Variants in NETO1 observed in about 807,000 individuals in gnomAD.
NETO1 encodes neuropilin and tolloid-like protein 1.
In NETO1, 26 loss-of-function variants were observed where a neutral mutation model predicts 61.3. The ratio of observed to expected loss-of-function variants is 0.42; its 90% CI spans 0.31 to 0.59. The LOEUF (loss-of-function observed/expected upper bound fraction) is 0.59, where lower values mean the gene tolerates loss of function less well. NETO1 is among the 20% of genes least tolerant of loss of function. NETO1 has a pLI of 0.12. For missense variants in NETO1, 531 were observed against 662.8 expected (o/e 0.80, Z 2.18); for synonymous variants, 225 against 225.8 (o/e 1.00, Z 0.03).
rs911914944 is a variant in NETO1, at chr18:72,830,584, G to C, written c.469+28242C>G. 6.6e-6 allele frequency among the ~76,000 whole-genome samples: 1 copy of C among 152,140 alleles called. No homozygotes were observed. The highest frequency in any genetic ancestry group is 1.5e-5 in the Non-Finnish European group (1 of 68,012). ...ACAGAAGACTGCCAGAATTTTTTAG[G>C]AGCAGCTTTTGGTGTGGAGGTAGGA... On this transcript the variant is annotated intron_variant, in intron 4 of 10. Transcript: ENST00000327305. This position sits in a 1 kb window ranked among gnomAD's most constrained non-coding sequence, Gnocchi z 4.9.
chr18:72,783,659 C>A lies in NETO1; in HGVS notation c.868+19G>T. 6.2e-7 allele frequency: 1 copy of A among 1,608,684 alleles called. No individual in the cohort carries two copies. Among genetic ancestry groups the A allele is most frequent in the Non-Finnish European group, 8.5e-7 (1 of 1,175,222 alleles). ...ATGGCATATACGAAGGAAAAATAGTCAAGTGCAGAGAATCTTACGTTCTTG... is the reference window on the plus strand; with the variant it reads ...ATGGCATATACGAAGGAAAAATAGTAAAGTGCAGAGAATCTTACGTTCTTG... On this transcript the variant is annotated intron_variant, in intron 7 of 10. Coordinates refer to ENST00000327305, the MANE Select transcript of NETO1 (RefSeq NM_138966.5).
Position 72,749,056 on chromosome 18 carries a change from T to A in NETO1, c.1574A>T (p.Glu525Val), listed in dbSNP as rs751185025. Residue 525 changes from glutamate to valine, a missense_variant, in exon 10 of 11, where the codon GAA becomes GTA. Transcript: ENST00000327305. ...FCLIGSLSKH[E>V]SEYNTTRV is the part of the protein sequence containing the mutation. Reference sequence around the variant, plus strand: ...GACCCTAGTTGTGTTGTATTCAGATTCATGTTTGCTTAGAGACCCAATGAG... The same window carrying A: ...GACCCTAGTTGTGTTGTATTCAGATACATGTTTGCTTAGAGACCCAATGAG... 3 of 1,611,356 alleles carry A rather than the reference T, an allele frequency of 1.9e-6. No individual in the cohort carries two copies. The highest frequency in any genetic ancestry group is 2.5e-6 in the Non-Finnish European group (3 of 1,177,746).
chr18:72,776,239 A>T (rs757491832), intron 7 of NETO1, among the ~76,000 whole-genome samples: 6 of 152,128 alleles, frequency 3.9e-5, no homozygotes, highest in Non-Finnish European at 8.8e-5. Context: ...CATAACCCAT[A>T]TCGTAGAAAC....
At chr18:72,780,507 T>C (rs1008651200) in intron 7 of NETO1, among the ~76,000 whole-genome samples, 2 of 152,206 alleles carry the variant, frequency 1.3e-5, no homozygotes, top group East Asian at 3.9e-4. Context: ...TATTTTCCGA[T>C]TGAAAGGGAT....
At position 72,746,632 on chromosome 18, in the gene NETO1, C is replaced by T. The variant is rs1359463049; in HGVS notation, c.*1547G>A. Among the ~76,000 whole-genome samples the T allele has an allele frequency of 6.6e-6, 1 of 151,700 alleles. No homozygotes were observed. Among genetic ancestry groups the T allele is most frequent in the African/African-American group, 2.4e-5 (1 of 41,324 alleles). On this transcript the variant is annotated 3_prime_UTR_variant, in exon 11 of 11. Coordinates refer to ENST00000327305, the MANE Select transcript of NETO1 (RefSeq NM_138966.5). ...TTGTATTCCTAGTAGGGAAGTATAA[C>T]AGTAATTCATCTAGTTTGCAAAGCC...
chr18:72,864,334 G>C (rs2074669639), intron 3 of NETO1, among the ~76,000 whole-genome samples: 1 of 152,076 alleles, frequency 6.6e-6, no homozygotes, highest in Admixed American at 6.6e-5. Context: ...ACACAAATAA[G>C]GTAACTATCT....
At chr18:72,763,050 T>C (rs912144502) in intron 7 of NETO1, among the ~76,000 whole-genome samples, 1 of 152,234 alleles carries the variant, frequency 6.6e-6, no homozygotes, top group Non-Finnish European at 1.5e-5. Flanking sequence ...ATTAACACTG[T>C]TTCAATTCTG....
chr18:72,784,650 A>AT (rs2071854070), intron 6 of NETO1, among the ~76,000 whole-genome samples: 1 of 152,238 alleles, frequency 6.6e-6, no homozygotes, highest in Non-Finnish European at 1.5e-5. Context: ...AAAATTAGAC[A>AT]TGAGCATCCT....
chr18:72,854,217 G>A (rs1181476391), intron 4 of NETO1, among the ~76,000 whole-genome samples: 1 of 152,108 alleles, frequency 6.6e-6, no homozygotes, highest in Non-Finnish European at 1.5e-5. Context: ...GATGAAAGGT[G>A]CTATTTAAGT....
intron 4 of NETO1, among the ~76,000 whole-genome samples, chr18:72,835,980 G>T (rs2073734822): frequency 6.6e-6 from 1 of 152,126 alleles, no homozygotes; most frequent in South Asian, 2.1e-4. Flanking sequence ...CACTGAGACG[G>T]GGCAGCTTCT....
At chr18:72,805,841 A>AT (rs945422036) in intron 4 of NETO1, among the ~76,000 whole-genome samples, 29 of 151,592 alleles carry the variant, frequency 1.9e-4, no homozygotes, top group African/African-American at 5.3e-4. Context: ...ATAAAATACA[A>AT]TTTTTTTTTG....
intron 4 of NETO1, among the ~76,000 whole-genome samples, chr18:72,822,348 G>A (rs541960391): frequency 4.6e-5 from 7 of 152,290 alleles, no homozygotes; most frequent in African/African-American, 1.7e-4. Flanking sequence ...AAGCCAGGAA[G>A]CTGCCTGGGA....
At chr18:72,816,049 C>G (rs545353404) in intron 4 of NETO1, among the ~76,000 whole-genome samples, 2 of 151,920 alleles carry the variant, frequency 1.3e-5, no homozygotes, top group South Asian at 4.2e-4. Flanking sequence ...GAATTAGGAT[C>G]GATCTCTCTC....
intron 4 of NETO1, among the ~76,000 whole-genome samples, chr18:72,836,930 T>C (rs1440421300): frequency 6.6e-6 from 1 of 152,032 alleles, no homozygotes; most frequent in East Asian, 1.9e-4. Flanking sequence ...GTAATGCCTG[T>C]AGGAATGGAG....
chr18:72,765,681 T>G (rs1160655511), intron 7 of NETO1, among the ~76,000 whole-genome samples: 1 of 152,158 alleles, frequency 6.6e-6, no homozygotes, highest in Non-Finnish European at 1.5e-5. Context: ...CCTCCCAAAG[T>G]GCTGAGGTTA....
intron 4 of NETO1, chr18:72,834,806 C>T (rs541712850): frequency 3.0e-6 from 3 of 984,744 alleles, no homozygotes; most frequent in African/African-American, 3.5e-5. Flanking sequence ...CAAAACTCCT[C>T]AGCTGAAGAA....
At chr18:72,835,812 G>GAAAT (rs2073726946) in intron 4 of NETO1, among the ~76,000 whole-genome samples, 2 of 152,114 alleles carry the variant, frequency 1.3e-5, no homozygotes. Context: ...TCCACGTGTC[G>GAAAT]ACACTATAAC....
chr18:72,769,514 A>G (rs1174488985), intron 7 of NETO1, among the ~76,000 whole-genome samples: 1 of 152,232 alleles, frequency 6.6e-6, no homozygotes, highest in Non-Finnish European at 1.5e-5. Context: ...TCCTAGACTT[A>G]ATACATCTTT....
rs146351957 is a variant in NETO1, at chr18:72,799,876, A to C, written c.470-5472T>G. ...TTTCAGTAACACAGATTCAGTTACA[A>C]AACTTGCTTACTTGTGCGACACATT... On this transcript the variant is annotated intron_variant, in intron 4 of 10. Coordinates refer to ENST00000327305, the MANE Select transcript of NETO1 (RefSeq NM_138966.5). Among the ~76,000 whole-genome samples the C allele has an allele frequency of 7.2e-5, 11 of 152,380 alleles. No homozygotes were observed. In the East Asian group the frequency reaches 2.1e-3, roughly 29 times the overall value.
Sources: allele counts gnomAD v4.1 joint callset (sites outside exome capture counted in the v4.1 genomes callset), GRCh38; gene constraint gnomAD v4.1.1; non-coding constraint Gnocchi (gnomAD v3.1); transcripts MANE v1.5; gene names NCBI Gene and HGNC (gene_info 2026-07-23, HGNC 2026-07-21).